Variants in KLF12 observed in about 807,000 individuals in gnomAD.
The protein encoded by KLF12 is Krueppel-like factor 12.
A neutral mutation model predicts 37.8 loss-of-function variants in KLF12; 9 were observed. The ratio of observed to expected loss-of-function variants is 0.24; its 90% CI spans 0.14 to 0.42. The LOEUF is 0.42. Among genes scored for constraint, KLF12 ranks in the 10% least tolerant of loss-of-function variants. The pLI is 1.00. For synonymous variants in KLF12, 208 were observed against 202.1 expected (o/e 1.03, Z -0.25); for missense variants, 411 against 516.0 (o/e 0.80, Z 1.97).
At chr13:74,210,132 T>C in the KLF12 span, among the ~76,000 whole-genome samples, 1 of 152,090 alleles carries the variant, frequency 6.6e-6, no homozygotes, top group East Asian at 1.9e-4. Flanking sequence ...TTAGAAAGAG[T>C]TGATCCAGGT....
rs140287381 is a variant in KLF12, at chr13:74,028,279, C to T, written c.-31-33226G>A. Reference sequence around the variant, plus strand: ...TCTAAAAACTGGAAATAATTTATTACGAGGAAATAGCTGATTTAATTATGG... The same window carrying T: ...TCTAAAAACTGGAAATAATTTATTATGAGGAAATAGCTGATTTAATTATGG... On this transcript the variant is annotated intron_variant, in intron 1 of 7. Coordinates refer to ENST00000377669, the MANE Select transcript of KLF12 (RefSeq NM_007249.5). Among the ~76,000 whole-genome samples the T allele has an allele frequency of 3.9e-3, 600 of 152,240 alleles. 3 individuals are homozygous for T. The highest frequency in any genetic ancestry group is 0.013 in the African/African-American group (541 of 41,570).
At chr13:73,822,733 TA>T (rs1883595982) in intron 4 of KLF12, among the ~76,000 whole-genome samples, 1 of 152,316 alleles carries the variant, frequency 6.6e-6, no homozygotes, top group East Asian at 1.9e-4. Context: ...AAGTACGTCT[TA>T]GAGCATAAAA....
intron 2 of KLF12, among the ~76,000 whole-genome samples, chr13:73,993,049 C>T (rs1241316244): frequency 7.2e-5 from 11 of 152,194 alleles, no homozygotes; most frequent in East Asian, 1.9e-4. Context: ...CTGGCCAACG[C>T]GGTGAAACCC....
the KLF12 span, among the ~76,000 whole-genome samples, chr13:74,293,059 A>T: frequency 2.6e-5 from 4 of 152,220 alleles, no homozygotes; most frequent in Non-Finnish European, 5.9e-5. Flanking sequence ...GGGGCTCTGA[A>T]CACCCCTGCC....
chr13:73,744,725 A>C (rs1878246030), intron 6 of KLF12, among the ~76,000 whole-genome samples: 1 of 152,200 alleles, frequency 6.6e-6, no homozygotes, highest in Admixed American at 6.5e-5. Context: ...TGAGCATGAC[A>C]AAACGATGCT....
the KLF12 span, among the ~76,000 whole-genome samples, chr13:74,254,797 C>CGT: frequency 6.6e-6 from 1 of 151,728 alleles, no homozygotes; most frequent in Non-Finnish European, 1.5e-5. Flanking sequence ...TGTTTGTGTG[C>CGT]GTGTGTGTGT....
chr13:73,893,005 A>C (rs1887585023), intron 3 of KLF12, among the ~76,000 whole-genome samples: 1 of 152,052 alleles, frequency 6.6e-6, no homozygotes, highest in Non-Finnish European at 1.5e-5. Flanking sequence ...CACTATGTTC[A>C]GAGGCAAGAG....
At chr13:74,167,274 C>T in the KLF12 span, among the ~76,000 whole-genome samples, 208 of 152,266 alleles carry the variant, frequency 1.4e-3, no homozygotes, top group African/African-American at 4.7e-3. Flanking sequence ...GAGAGGAAAG[C>T]GTTGGAACAT....
At chr13:73,798,746 T>C (rs761599097) in intron 5 of KLF12, among the ~76,000 whole-genome samples, 29 of 152,110 alleles carry the variant, frequency 1.9e-4, no homozygotes, top group Non-Finnish European at 2.1e-4. Flanking sequence ...ATGGCAATCA[T>C]TAAAAAGTCA....
chr13:73,881,651 C>T (rs1035201303), intron 3 of KLF12, among the ~76,000 whole-genome samples: 3 of 152,082 alleles, frequency 2.0e-5, no homozygotes, highest in African/African-American at 4.8e-5. Context: ...GCAATTTTTG[C>T]ACAACATGAT....
At chr13:73,824,900 T>C (rs1332555574) in intron 4 of KLF12, among the ~76,000 whole-genome samples, 1 of 152,078 alleles carries the variant, frequency 6.6e-6, no homozygotes, top group Admixed American at 6.6e-5. Flanking sequence ...AAAACCCATC[T>C]CTACTAAAAA....
At chr13:73,916,047 GC>G (rs1403639226) in intron 3 of KLF12, among the ~76,000 whole-genome samples, 2 of 152,032 alleles carry the variant, frequency 1.3e-5, no homozygotes, top group Non-Finnish European at 2.9e-5. Flanking sequence ...TTCCTCTCAT[GC>G]CAAAAACATG....
At chr13:73,961,510 T>C (rs1251960859) in intron 2 of KLF12, among the ~76,000 whole-genome samples, 1 of 152,126 alleles carries the variant, frequency 6.6e-6, no homozygotes, top group African/African-American at 2.4e-5. Context: ...AGAACCAGTA[T>C]TCAGGCAGGA....
Position 73,695,246 on chromosome 13 carries a change from T to C in KLF12, c.*244A>G, listed in dbSNP as rs1290548286. The C allele has an allele frequency of 6.2e-6, 3 of 481,854 alleles. No individual in the cohort carries two copies. Among genetic ancestry groups the C allele is most frequent in the Admixed American group, 6.9e-5 (2 of 28,960 alleles). The allele number at this position is 481,854 out of a possible 1,614,324, so 29.8% of individuals were successfully genotyped here. A position where few individuals can be genotyped will look rare whatever the true frequency, so the allele number is the denominator to read the frequency against. On this transcript the variant is annotated 3_prime_UTR_variant, in exon 8 of 8. Coordinates refer to ENST00000377669, the MANE Select transcript of KLF12 (RefSeq NM_007249.5). ...GCAGAGGACACAGCACGGAAAACAA[T>C]GCCTGTCTCTTCAGCATTTATGTCA...
At chr13:74,242,580 G>A in the KLF12 span, among the ~76,000 whole-genome samples, 1 of 152,188 alleles carries the variant, frequency 6.6e-6, no homozygotes, top group African/African-American at 2.4e-5. Context: ...ATTTGGGTGA[G>A]GACATAGCCA....
intron 1 of KLF12, among the ~76,000 whole-genome samples, chr13:74,055,599 C>T (rs1019826032): frequency 6.6e-6 from 1 of 152,148 alleles, no homozygotes; most frequent in African/African-American, 2.4e-5. Flanking sequence ...TTTTACAAAG[C>T]TCTTCTGTTT....
At chr13:74,214,189 T>C in the KLF12 span, among the ~76,000 whole-genome samples, 1 of 152,338 alleles carries the variant, frequency 6.6e-6, no homozygotes, top group Admixed American at 6.5e-5. Context: ...AAGACACTTT[T>C]GAATCTTAGT....
At chr13:73,940,122 G>A (rs1890123663) in intron 3 of KLF12, among the ~76,000 whole-genome samples, 1 of 152,144 alleles carries the variant, frequency 6.6e-6, no homozygotes, top group South Asian at 2.1e-4. Flanking sequence ...ATCTCTGGGT[G>A]TGATAGTTCT....
intron 5 of KLF12, among the ~76,000 whole-genome samples, chr13:73,783,591 A>G (rs1396759933): frequency 6.6e-6 from 1 of 152,152 alleles, no homozygotes; most frequent in Admixed American, 6.5e-5. Flanking sequence ...CACGTACCCT[A>G]TAAATATGTA....
Sources: gnomAD v4.1 joint callset for allele counts (sites outside exome capture counted in the v4.1 genomes callset) on GRCh38, gnomAD v4.1.1 for gene constraint, MANE v1.5 for transcripts, NCBI Gene and HGNC (gene_info 2026-07-23, HGNC 2026-07-21) for gene names.